TFE3: variants seen among roughly 807,000 people sequenced by gnomAD.
The protein encoded by TFE3 is transcription factor E3.
A neutral mutation model predicts 35.0 loss-of-function variants in TFE3; 5 were observed. The ratio of observed to expected loss-of-function variants is 0.14; its 90% CI spans 0.07 to 0.30. The LOEUF (loss-of-function observed/expected upper bound fraction) is 0.30, where lower values mean the gene tolerates loss of function less well. Ranked by LOEUF, TFE3 falls within the 10% of genes least tolerant of loss-of-function variation. TFE3 has a pLI of 1.00. For synonymous variants in TFE3, 211 were observed against 215.6 expected (o/e 0.98, Z 0.18); for missense variants, 374 against 496.6 (o/e 0.75, Z 2.35).
intron 5 of TFE3, among the ~76,000 whole-genome samples, chrX:49,037,179 C>T (rs1557074914): frequency 9.0e-6 from 1 of 111,703 alleles, no homozygotes; most frequent in Non-Finnish European, 1.9e-5. Context: ...TGGCGTACAC[C>T]TGTAATCCCA....
intron 6 of TFE3, 24 bp from the exon 7 acceptor site, chrX:49,033,806 G>A (rs1368612033): frequency 1.7e-6 from 2 of 1,205,987 alleles, no homozygotes; most frequent in African/African-American, 3.5e-5. Context: ...GAGTGATCAG[G>A]GCCTCTGAGC....
rs782094361 is a variant in TFE3 at position 49,040,433 on chromosome X, CAGAT to C, written c.230+18_230+21del. 3 of 1,149,450 alleles carry C rather than the reference CAGAT, an allele frequency of 2.6e-6. No homozygotes were observed. The highest frequency in any genetic ancestry group is 3.0e-5 in the East Asian group (1 of 33,484). The allele number at this position is 1,149,450 out of a possible 1,213,427, so 94.7% of individuals were successfully genotyped here. ...AGGGCTGAGGAATTGGGAGGGGAAT[CAGAT>C]AGACAAGTCATACATACCTTGAGCG... On this transcript the variant is annotated intron_variant, in intron 2 of 9. Transcript: ENST00000315869.
chrX:49,043,108 C>T lies in TFE3; in HGVS notation c.116+3G>A. ...GCACTCCCAGCCCCAGGCGGCCCCGCACCTGAGCAGCTGAGCCGAGTCGGC... is the reference window on the plus strand; with the variant it reads ...GCACTCCCAGCCCCAGGCGGCCCCGTACCTGAGCAGCTGAGCCGAGTCGGC... On this transcript the variant is annotated splice_donor_region_variant and intron_variant, in intron 1 of 9. Coordinates refer to ENST00000315869, the MANE Select transcript of TFE3 (RefSeq NM_006521.6). 8.5e-7 allele frequency: 1 copy of T among 1,174,843 alleles called. No homozygotes were observed. Among genetic ancestry groups the T allele is most frequent in the South Asian group, 1.9e-5 (1 of 53,329 alleles).
intron 8 of TFE3, among the ~76,000 whole-genome samples, chrX:49,032,484 C>A (rs1467854656): frequency 9.0e-6 from 1 of 110,660 alleles, no homozygotes; most frequent in Non-Finnish European, 1.9e-5. Flanking sequence ...GTGATCCACC[C>A]GTCTCGGCCT....
chrX:49,036,679 G>A (rs2064732453), intron 5 of TFE3, among the ~76,000 whole-genome samples: 1 of 109,957 alleles, frequency 9.1e-6, no homozygotes, highest in Admixed American at 9.8e-5. Flanking sequence ...GCACGCGCCT[G>A]TAGTCCCAGT....
At position 49,034,238 on chromosome X, in the gene TFE3, C is replaced by A; in HGVS notation, c.899G>T (p.Gly300Val). The A allele has an allele frequency of 8.4e-7, 1 of 1,195,021 alleles. No individual in the cohort carries two copies. The highest frequency in any genetic ancestry group is 3.0e-5 in the East Asian group (1 of 33,382). Residue 300 changes from glycine (G) to valine (V), a missense_variant, in exon 6 of 10, where the codon GGG (glycine) becomes GTG (valine). Gly to Val is a moderately radical substitution (Grantham distance 109, BLOSUM62 -3). Around this residue, in one of 3 missense-constraint regions of TFE3, gnomAD observed 167 missense variants for 297.2 expected, o/e 0.56. Coordinates refer to ENST00000315869, the MANE Select transcript of TFE3 (RefSeq NM_006521.6). ...LQLPSTLPVS[G>V]NLLDVYSSQG... ...ACTACTGTACACATCAAGCAGATTCCCTGACACAGGCAGCTGGGGGCAGAG... is the reference window on the plus strand; with the variant it reads ...ACTACTGTACACATCAAGCAGATTCACTGACACAGGCAGCTGGGGGCAGAG...
chrX:49,041,494 G>A (rs782783392), intron 1 of TFE3, among the ~76,000 whole-genome samples: 2 of 111,681 alleles, frequency 1.8e-5, no homozygotes, highest in South Asian at 7.4e-4. Flanking sequence ...GGCTCCCCTC[G>A]CTCCAACAGA....
chrX:49,039,507 A>G (rs2064749338), intron 2 of TFE3, 97 bp from the exon 3 acceptor site: 25 of 945,691 alleles, frequency 2.6e-5, no homozygotes, highest in Non-Finnish European at 1.5e-5. Context: ...CACAGGAACC[A>G]GGCCTGTTCT....
At chrX:49,033,416 G>A in intron 8 of TFE3, 49 bp downstream of exon 8, 1 of 1,153,903 alleles carries the variant, frequency 8.7e-7, no homozygotes, top group Non-Finnish European at 1.2e-6. Context: ...AGTAGCATGG[G>A]ACGCCTGCCC....
At chrX:49,033,327 G>A (rs1026855893) in intron 8 of TFE3, 138 bp downstream of exon 8, 3 of 553,737 alleles carry the variant, frequency 5.4e-6, no homozygotes, top group African/African-American at 2.3e-5. Context: ...CTGCAACCCT[G>A]CTCAGGCTGA....
chrX:49,042,455 C>T (rs1353959595), intron 1 of TFE3, among the ~76,000 whole-genome samples: 1 of 111,338 alleles, frequency 9.0e-6, no homozygotes, highest in Non-Finnish European at 1.9e-5. Flanking sequence ...GGGATCTGCC[C>T]CAGCTGGGTA....
Position 49,029,952 on chromosome X carries a change from G to A in TFE3, c.*206C>T. Reference sequence around the variant, plus strand: ...CTTCTCCTTCTGAAATACCTGCACTGGGCGGTTCCTTTGGGGAAGGTGCAG... The same window carrying A: ...CTTCTCCTTCTGAAATACCTGCACTAGGCGGTTCCTTTGGGGAAGGTGCAG... On this transcript the variant is annotated 3_prime_UTR_variant, in exon 10 of 10. Transcript: ENST00000315869. 1 of 514,567 alleles carries A rather than the reference G, an allele frequency of 1.9e-6. No individual in the cohort carries two copies. The highest frequency in any genetic ancestry group is 3.5e-6 in the Non-Finnish European group (1 of 288,555). The allele number at this position is 514,567 out of a possible 1,213,427, so 42.4% of individuals were successfully genotyped here. A position where few individuals can be genotyped will look rare whatever the true frequency, so the allele number is the denominator to read the frequency against.
chrX:49,042,156 G>C (rs1008081117), intron 1 of TFE3, among the ~76,000 whole-genome samples: 1 of 111,844 alleles, frequency 8.9e-6, no homozygotes, highest in South Asian at 3.7e-4. Flanking sequence ...ATCCACCCAG[G>C]CAGGGATGGT....
chrX:49,031,447 G>T lies in TFE3; in HGVS notation c.1234C>A (p.Arg412=). The T allele has an allele frequency of 8.3e-7, 1 of 1,203,551 alleles. No homozygotes were observed. Among genetic ancestry groups the T allele is most frequent in the Non-Finnish European group, 1.1e-6 (1 of 891,188 alleles). ...EQQRSKDLES[R]QRSLEQANRS... is the part of the protein sequence containing the mutation. The stretch of plus-strand genomic sequence containing the variant: ...TTGGCCTGCTCCAGGGATCGCTGCC[G>T]GCTCTCCAGGTCTTTGGAGCGCTGC... The change falls in exon 9 of 10, where the codon CGG becomes AGG. Residue 412 remains arginine (R), a synonymous_variant. Transcript: ENST00000315869.
intron 2 of TFE3, 83 bp downstream of exon 2, chrX:49,040,372 G>A: frequency 1.4e-6 from 1 of 725,686 alleles, no homozygotes; most frequent in Non-Finnish European, 2.2e-6. Flanking sequence ...GGGTTGGGCT[G>A]GTACTGAGGG....
At chrX:49,039,037 A>G in intron 3 of TFE3, 70 bp downstream of exon 3, 2 of 1,061,300 alleles carry the variant, frequency 1.9e-6, no homozygotes, top group Non-Finnish European at 2.5e-6. Context: ...CATCGAGGCC[A>G]TCCCTAGCTC....
rs2064747994 is a variant in TFE3, at chrX:49,039,339, G to A, written c.302C>T (p.Ser101Phe). ...TLSASSSAGG[S>F]RTPAMSSSSS... is the part of the protein sequence containing the mutation. ...AGATGACGACATGGCAGGGGTCCTG[G>A]AGCCCCCTGCAGAAGACGATGCAGA... is the stretch of plus-strand genomic sequence containing the variant. The change falls in exon 3 of 10, where the codon TCC (serine) becomes TTC (phenylalanine). Residue 101 changes from serine (S) to phenylalanine (F), a missense_variant. By Grantham distance (155) the Ser-to-Phe change is radical. This residue lies in a region of TFE3 where 90 missense variants were observed against 87.5 expected (regional missense o/e 1.03). Transcript: ENST00000315869. 2 of 1,205,892 alleles carry A rather than the reference G, an allele frequency of 1.7e-6. No individual in the cohort carries two copies. The highest frequency in any genetic ancestry group is 2.2e-6 in the Non-Finnish European group (2 of 892,985).
rs781870660 is a variant in TFE3 at position 49,030,448 on chromosome X, CT to C, written c.1437del (p.Gly482AspfsTer44). On this transcript the variant is annotated frameshift_variant, in exon 10 of 10. Coordinates refer to ENST00000315869, the MANE Select transcript of TFE3 (RefSeq NM_006521.6). LOFTEE classifies it high-confidence loss of function. ...GGAGCATTCTGGGCAGGTCCCCCCC[CT>C]ACATGGAACGTTGCTGCGCCTGGCC... The part of the protein sequence containing the change: ...EGRPGAATFH[V>X]GGGPAQNAPH... 1.7e-6 allele frequency: 2 copies of C among 1,211,616 alleles called. No individual in the cohort carries two copies. Among genetic ancestry groups the C allele is most frequent in the Non-Finnish European group, 2.2e-6 (2 of 895,440 alleles).
In TFE3 at chrX:49,033,713, C is replaced by T; in HGVS notation, c.1060+13G>A. 8.3e-7 allele frequency: 1 copy of T among 1,211,332 alleles called. No individual in the cohort carries two copies. The highest frequency in any genetic ancestry group is 1.1e-6 in the Non-Finnish European group (1 of 895,253). On this transcript the variant is annotated intron_variant, in intron 7 of 9. Coordinates refer to ENST00000315869, the MANE Select transcript of TFE3 (RefSeq NM_006521.6). ...GCACAGCACCCGGGCAATGCACACG[C>T]TCTCTGGCTTACTTAGGTTGTGATT...
Sources: allele counts gnomAD v4.1 joint callset (sites outside exome capture counted in the v4.1 genomes callset), GRCh38; gene constraint gnomAD v4.1.1; regional missense constraint gnomAD v4.1.1; transcripts MANE v1.5; gene names NCBI Gene and HGNC (gene_info 2026-07-23, HGNC 2026-07-21).